The following RALYL variants were observed in gnomAD, a reference collection of about 807,000 sequenced individuals.
The protein encoded by RALYL is RALY RNA binding protein like.
RALYL carries 29 observed loss-of-function variants against 35.1 expected under a neutral mutation model. The ratio of observed to expected loss-of-function variants is 0.83; its 90% CI spans 0.61 to 1.13. The LOEUF is 1.13. Ranked by LOEUF, RALYL falls within the 50% of genes most tolerant of loss-of-function variation. RALYL has a pLI of 0.00. For missense variants in RALYL, 359 were observed against 360.4 expected, an observed-to-expected ratio of 1.00 and a Z score of 0.03; for synonymous variants, 120 against 127.6, an observed-to-expected ratio of 0.94 and a Z score of 0.40.
chr8:84,858,825 T>C (rs1164013627), intron 5 of RALYL, among the ~76,000 whole-genome samples: 1 of 152,184 alleles, frequency 6.6e-6, no homozygotes, highest in African/African-American at 2.4e-5. Context: ...TCTTGTTATG[T>C]TTTTGTACAT....
chr8:84,218,516 A>G (rs1212979725), intron 1 of RALYL, among the ~76,000 whole-genome samples: 1 of 152,062 alleles, frequency 6.6e-6, no homozygotes, highest in Non-Finnish European at 1.5e-5. Context: ...GAAATAGGGT[A>G]ATTTTTTTCA....
intron 1 of RALYL, among the ~76,000 whole-genome samples, chr8:84,372,941 T>A (rs1856192270): frequency 6.8e-6 from 1 of 147,234 alleles, no homozygotes; most frequent in South Asian, 2.2e-4. Context: ...CCATTCTGAT[T>A]ATTGTGAGAT....
intron 1 of RALYL, among the ~76,000 whole-genome samples, chr8:84,413,384 CCAGCTATA>C (rs1289850714): frequency 6.6e-6 from 1 of 151,068 alleles, no homozygotes; most frequent in Non-Finnish European, 1.5e-5. Context: ...AGGTGTTAGT[CCAGCTATA>C]CATTGTATGT....
At chr8:84,621,864 C>T (rs1821586837) in intron 2 of RALYL, among the ~76,000 whole-genome samples, 1 of 152,110 alleles carries the variant, frequency 6.6e-6, no homozygotes, top group Non-Finnish European at 1.5e-5. Flanking sequence ...ATTTCTAGTC[C>T]TTTGCAGTGC....
At chr8:84,851,686 AATTCC>A (rs1333883867) in intron 5 of RALYL, among the ~76,000 whole-genome samples, 1 of 152,110 alleles carries the variant, frequency 6.6e-6, no homozygotes, top group Non-Finnish European at 1.5e-5. Flanking sequence ...GTTCCACAAG[AATTCC>A]ATGTTTCTTC....
At chr8:84,597,938 T>C (rs1814976565) in intron 2 of RALYL, among the ~76,000 whole-genome samples, 1 of 152,152 alleles carries the variant, frequency 6.6e-6, no homozygotes, top group Non-Finnish European at 1.5e-5. Context: ...GCACAAAGAC[T>C]ATTGCATCAT....
In RALYL at chr8:84,895,929, G is replaced by C. The variant is rs774989261; in HGVS notation, c.858+8153G>C. On this transcript the variant is annotated intron_variant, in intron 8 of 8. Coordinates refer to ENST00000521268, the MANE Select transcript of RALYL (RefSeq NM_173848.7). ...AGTCACAGTTATATTAATAATAAAA[G>C]TCTACTGGCTTTATATCAGCCTCTG... Among the ~76,000 whole-genome samples the C allele has an allele frequency of 3.3e-5, 5 of 152,134 alleles. No homozygotes were observed. The South Asian group carries it at 1.0e-3, about 32-fold the overall frequency.
intron 1 of RALYL, among the ~76,000 whole-genome samples, chr8:84,342,467 G>A (rs1219451866): frequency 6.6e-6 from 1 of 150,732 alleles, no homozygotes; most frequent in Non-Finnish European, 1.5e-5. Flanking sequence ...AACAGAAAAT[G>A]AAAATTGAGC....
chr8:84,754,657 A>T (rs1810947353), intron 2 of RALYL, among the ~76,000 whole-genome samples: 1 of 150,052 alleles, frequency 6.7e-6, no homozygotes, highest in Non-Finnish European at 1.5e-5. Context: ...CAGTGTAGAG[A>T]TGAAAGGAGA....
At chr8:84,352,499 T>C (rs1240405069) in intron 1 of RALYL, among the ~76,000 whole-genome samples, 2 of 150,404 alleles carry the variant, frequency 1.3e-5, no homozygotes, top group Non-Finnish European at 3.0e-5. Context: ...CCACTTTTGT[T>C]CCTATTTTAC....
At chr8:84,864,764 AG>A in intron 6 of RALYL, 1 of 606,536 alleles carries the variant, frequency 1.6e-6, no homozygotes, top group Non-Finnish European at 3.1e-6. Context: ...GGTAGAAAAC[AG>A]GGGCCCCTGG....
At chr8:84,755,873 TAAAA>T (rs200896745) in intron 2 of RALYL, among the ~76,000 whole-genome samples, 3 of 145,270 alleles carry the variant, frequency 2.1e-5, no homozygotes, top group African/African-American at 7.5e-5. Flanking sequence ...TGGCATATTG[TAAAA>T]AAAAAAAAAA....
At chr8:84,912,651 A>G (rs1158615698) in intron 8 of RALYL, among the ~76,000 whole-genome samples, 1 of 152,052 alleles carries the variant, frequency 6.6e-6, no homozygotes, top group East Asian at 1.9e-4. Context: ...GCTAATCAAA[A>G]TAGTTCCCAG....
intron 1 of RALYL, among the ~76,000 whole-genome samples, chr8:84,462,135 T>G (rs1004790618): frequency 2.6e-5 from 4 of 151,706 alleles, no homozygotes; most frequent in African/African-American, 9.7e-5. Context: ...TTTTTATTTT[T>G]TTTTATTTTA....
chr8:84,533,187 C>T (rs550000998), intron 2 of RALYL, among the ~76,000 whole-genome samples: 2 of 152,170 alleles, frequency 1.3e-5, no homozygotes, highest in African/African-American at 4.8e-5. Flanking sequence ...TGAAATTTAA[C>T]ATATCCTCTT....
At chr8:84,490,314 TACTC>T (rs1415692483) in intron 1 of RALYL, among the ~76,000 whole-genome samples, 2 of 151,948 alleles carry the variant, frequency 1.3e-5, no homozygotes, top group Non-Finnish European at 2.9e-5. Context: ...GCTGGAAACT[TACTC>T]ACATAAAGCA....
At chr8:84,559,468 C>T (rs2135558995) in intron 2 of RALYL, among the ~76,000 whole-genome samples, 2 of 152,100 alleles carry the variant, frequency 1.3e-5, no homozygotes, top group East Asian at 3.9e-4. Flanking sequence ...ATTAACATAG[C>T]TTTTTATGTA....
At chr8:84,403,880 G>A (rs1054883929) in intron 1 of RALYL, among the ~76,000 whole-genome samples, 2 of 152,032 alleles carry the variant, frequency 1.3e-5, no homozygotes, top group African/African-American at 4.8e-5. Context: ...AGTTCTCCTT[G>A]AAGAGGTCCT....
chr8:84,811,181 T>C (rs187626793), intron 4 of RALYL, among the ~76,000 whole-genome samples: 64 of 152,286 alleles, frequency 4.2e-4, no homozygotes, highest in African/African-American at 1.5e-3. Context: ...TTAGAGCTCC[T>C]TTTAGCAATT....
Sources: gnomAD v4.1 joint callset for allele counts (sites outside exome capture counted in the v4.1 genomes callset) on GRCh38, gnomAD v4.1.1 for gene constraint, MANE v1.5 for transcripts, NCBI Gene and HGNC (gene_info 2026-07-23, HGNC 2026-07-21) for gene names.